The following TNR variants were observed in gnomAD, a reference collection of about 807,000 sequenced individuals.
TNR encodes the protein tenascin-R.
In TNR, 45 loss-of-function variants were observed where a neutral mutation model predicts 150.4. That is an observed-to-expected ratio of 0.30 (90% CI 0.24 to 0.38). TNR has a LOEUF of 0.38. TNR is among the 10% of genes least tolerant of loss of function. The probability of loss-of-function intolerance (pLI) is 1.00; values close to 1 mark genes in which losing one functional copy is unlikely to be tolerated. For missense variants in TNR, 1,544 were observed against 1,759.1 expected (o/e 0.88, Z 2.19); for synonymous variants, 687 against 678.4 (o/e 1.01, Z -0.20).
At chr1:175,603,158 C>T (rs1293445110) in intron 1 of TNR, among the ~76,000 whole-genome samples, 13 of 152,178 alleles carry the variant, frequency 8.5e-5, no homozygotes, top group Non-Finnish European at 2.9e-5. Flanking sequence ...GGTCCACCAG[C>T]TATGTGCTGT....
At chr1:175,523,775 T>C (rs7538019) in intron 2 of TNR, among the ~76,000 whole-genome samples, 2,110 of 152,278 alleles carry the variant, frequency 0.014, 53 homozygotes, top group African/African-American at 0.047. Context: ...CATGATCATG[T>C]CACTCCTGCC....
At chr1:175,692,433 C>T (rs867262322) in intron 1 of TNR, among the ~76,000 whole-genome samples, 9 of 152,194 alleles carry the variant, frequency 5.9e-5, no homozygotes, top group African/African-American at 1.9e-4. Context: ...TGGCATCTGC[C>T]CTAGCGATGG....
intron 14 of TNR, 92 bp downstream of exon 14, chr1:175,362,571 C>A: frequency 6.6e-7 from 1 of 1,514,980 alleles, no homozygotes; most frequent in Non-Finnish European, 9.0e-7. Flanking sequence ...GAAATGGAGC[C>A]TTAGCCTCCA....
intron 2 of TNR, among the ~76,000 whole-genome samples, chr1:175,408,848 G>A (rs2102050948): frequency 6.6e-6 from 1 of 152,258 alleles, no homozygotes; most frequent in South Asian, 2.1e-4. Flanking sequence ...GAAATCACTG[G>A]AACATATGAA....
rs1007665280 is a variant in TNR at position 175,550,396 on chromosome 1, C to T, written c.-164-22027G>A. Among the ~76,000 whole-genome samples the T allele has an allele frequency of 3.3e-5, 5 of 152,300 alleles. No homozygotes were observed. The East Asian group carries it at 7.7e-4, about 24-fold the overall frequency. Reference sequence around the variant, plus strand: ...GATGCTGAATCAGATAGACTCTGGACTTGAGGACATCTGTCACAAAGAATA... The same window carrying T: ...GATGCTGAATCAGATAGACTCTGGATTTGAGGACATCTGTCACAAAGAATA... On this transcript the variant is annotated intron_variant, in intron 1 of 22. Transcript: ENST00000367674.
At chr1:175,526,306 G>A (rs1659845871) in intron 2 of TNR, among the ~76,000 whole-genome samples, 1 of 152,204 alleles carries the variant, frequency 6.6e-6, no homozygotes, top group Non-Finnish European at 1.5e-5. Flanking sequence ...GGAACTGAAA[G>A]TTATCATAAG....
At chr1:175,478,931 C>T (rs1375960922) in intron 2 of TNR, among the ~76,000 whole-genome samples, 3 of 152,304 alleles carry the variant, frequency 2.0e-5, no homozygotes, top group Admixed American at 2.0e-4. Flanking sequence ...TGGTTACAGG[C>T]TAGTAAATCC....
chr1:175,587,066 A>C (rs1662605012), intron 1 of TNR, among the ~76,000 whole-genome samples: 1 of 152,186 alleles, frequency 6.6e-6, no homozygotes, highest in South Asian at 2.1e-4. Flanking sequence ...CTAAAGACTT[A>C]TTTCTCTACA....
At chr1:175,494,445 T>C (rs960460454) in intron 2 of TNR, among the ~76,000 whole-genome samples, 4 of 152,128 alleles carry the variant, frequency 2.6e-5, no homozygotes, top group Non-Finnish European at 5.9e-5. Flanking sequence ...AGCAAAAGCA[T>C]TGATTTTGCA....
At chr1:175,541,264 T>G (rs1049298452) in intron 1 of TNR, among the ~76,000 whole-genome samples, 1 of 152,230 alleles carries the variant, frequency 6.6e-6, no homozygotes, top group Non-Finnish European at 1.5e-5. Flanking sequence ...GCACCCAGCT[T>G]TAGCTTGGCC....
chr1:175,337,658 G>A lies in TNR; in HGVS notation c.3404C>T (p.Pro1135Leu), dbSNP rs760851940. ...FTTGGRVFPH[P>L]QDCAQHLMNG... Reference sequence around the variant, plus strand: ...CATCAAATGCTGGGCACAGTCTTGGGGATGAGGGAACACCCGGCCTCCTGC... The same window carrying A: ...CATCAAATGCTGGGCACAGTCTTGGAGATGAGGGAACACCCGGCCTCCTGC... Residue 1135 changes from proline to leucine, a missense_variant, in exon 19 of 23, where the codon CCC becomes CTC. Transcript: ENST00000367674. The A allele has an allele frequency of 6.2e-7, 1 of 1,614,178 alleles. No homozygotes were observed. Among genetic ancestry groups the A allele is most frequent in the Non-Finnish European group, 8.5e-7 (1 of 1,180,030 alleles).
rs779363973 is a variant in TNR, at chr1:175,365,092, T to C, written c.2505A>G (p.Gln835=). The C allele has an allele frequency of 3.6e-5, 58 of 1,613,936 alleles. 1 individual carries two copies. The South Asian group carries it at 6.4e-4, about 18-fold the overall frequency. ...TKRHAVLMGL[Q]PATEYIVNLV... is the part of the protein sequence containing the mutation. ...GGTTCACAATATACTCTGTGGCTGG[T>C]TGCAGGCCCATCAGGACAGCATGCC... The change falls in exon 12 of 23, where the codon CAA becomes CAG. Residue 835 remains glutamine (Q), a synonymous_variant. Coordinates refer to ENST00000367674, the MANE Select transcript of TNR (RefSeq NM_003285.3).
intron 1 of TNR, among the ~76,000 whole-genome samples, chr1:175,723,378 G>A (rs144329685): frequency 6.6e-6 from 1 of 152,108 alleles, no homozygotes; most frequent in African/African-American, 2.4e-5. Flanking sequence ...CTACCTGGGT[G>A]TCATCTCCAC....
intron 18 of TNR, among the ~76,000 whole-genome samples, chr1:175,350,645 C>A (rs1651009200): frequency 6.6e-6 from 1 of 152,172 alleles, no homozygotes; most frequent in South Asian, 2.1e-4. Flanking sequence ...ATGAAATGGA[C>A]TTATGTTATG....
At chr1:175,701,963 T>A (rs1462569015) in intron 1 of TNR, among the ~76,000 whole-genome samples, 1 of 152,250 alleles carries the variant, frequency 6.6e-6, no homozygotes, top group Non-Finnish European at 1.5e-5. Context: ...TGGCAGTCGA[T>A]TTATAGTGGA....
chr1:175,568,526 C>T lies in TNR; in HGVS notation c.-164-40157G>A, dbSNP rs73048375. On this transcript the variant is annotated intron_variant, in intron 1 of 22. Coordinates refer to ENST00000367674, the MANE Select transcript of TNR (RefSeq NM_003285.3). The stretch of plus-strand genomic sequence containing the variant: ...TCCCTCCATCCATCAGTCCTTTGCA[C>T]CTCTTGTCTGCCTCTTTGCACTATG... 8.9e-3 allele frequency among the ~76,000 whole-genome samples: 1,348 copies of T among 152,286 alleles called. 17 individuals are homozygous for T. The highest frequency in any genetic ancestry group is 0.031 in the African/African-American group (1,286 of 41,558).
chr1:175,598,086 C>G (rs563993153), intron 1 of TNR, among the ~76,000 whole-genome samples: 9 of 152,212 alleles, frequency 5.9e-5, no homozygotes, highest in African/African-American at 2.2e-4. Context: ...CCTGAGGATG[C>G]CGAGAACAAT....
chr1:175,487,749 A>G (rs960960792), intron 2 of TNR, among the ~76,000 whole-genome samples: 1 of 152,156 alleles, frequency 6.6e-6, no homozygotes, highest in Non-Finnish European at 1.5e-5. Context: ...CAGGTAAAGC[A>G]TTTTGCTCTG....
At chr1:175,544,884 A>G (rs1395130788) in intron 1 of TNR, among the ~76,000 whole-genome samples, 1 of 152,236 alleles carries the variant, frequency 6.6e-6, no homozygotes, top group Admixed American at 6.5e-5. Flanking sequence ...GCTTTGGCCA[A>G]TAGAATGTGA....
Sources: allele counts gnomAD v4.1 joint callset (sites outside exome capture counted in the v4.1 genomes callset), GRCh38; gene constraint gnomAD v4.1.1; transcripts MANE v1.5; gene names NCBI Gene and HGNC (gene_info 2026-07-23, HGNC 2026-07-21).